CSTPP1: variants seen among roughly 807,000 people sequenced by gnomAD.
The protein encoded by CSTPP1 is UPF0705 protein C11orf49.
At chr11:47,152,927 G>A in the CSTPP1 span, among the ~76,000 whole-genome samples, 2 of 152,158 alleles carry the variant, frequency 1.3e-5, no homozygotes, top group Non-Finnish European at 2.9e-5. Context: ...GAACAGGGCA[G>A]TAAAGGAAAG....
the CSTPP1 span, among the ~76,000 whole-genome samples, chr11:46,942,191 T>C: frequency 6.6e-6 from 1 of 152,312 alleles, no homozygotes; most frequent in South Asian, 2.1e-4. Context: ...ATTGTGTTAA[T>C]GCCTAGGCCT....
the CSTPP1 span, among the ~76,000 whole-genome samples, chr11:47,107,299 C>G: frequency 6.1e-4 from 93 of 152,170 alleles, no homozygotes; most frequent in Non-Finnish European, 6.0e-4. Context: ...CTCCTGGGCT[C>G]CGCTCACTGA....
chr11:47,038,533 G>A, the CSTPP1 span, among the ~76,000 whole-genome samples: 2 of 100,424 alleles, frequency 2.0e-5, no homozygotes, highest in South Asian at 6.9e-4. Context: ...GGGCGGCCGG[G>A]CAGAGGCGCC....
the CSTPP1 span, among the ~76,000 whole-genome samples, chr11:46,975,231 C>T: frequency 6.6e-6 from 1 of 152,072 alleles, no homozygotes; most frequent in Admixed American, 6.6e-5. Flanking sequence ...GAGCCATGAT[C>T]ACACCACTGC....
the CSTPP1 span, among the ~76,000 whole-genome samples, chr11:47,093,506 T>A: frequency 4.6e-5 from 7 of 152,240 alleles, no homozygotes; most frequent in Non-Finnish European, 8.8e-5. Flanking sequence ...TTCGGCCACA[T>A]GGAGCTTACA....
chr11:46,949,781 CA>C, the CSTPP1 span, among the ~76,000 whole-genome samples: 3 of 151,726 alleles, frequency 2.0e-5, no homozygotes, highest in African/African-American at 7.3e-5. Flanking sequence ...AATCAATTCT[CA>C]TGCCTCAGCC....
At chr11:46,946,052 TA>T in the CSTPP1 span, among the ~76,000 whole-genome samples, 4 of 152,200 alleles carry the variant, frequency 2.6e-5, no homozygotes, top group African/African-American at 9.6e-5. Flanking sequence ...ACCTATTTAA[TA>T]CATGTAATAA....
chr11:47,076,997 C>T, the CSTPP1 span, among the ~76,000 whole-genome samples: 1 of 149,508 alleles, frequency 6.7e-6, no homozygotes, highest in Non-Finnish European at 1.5e-5. Flanking sequence ...AAGGCCCAGT[C>T]CAGGAGTATA....
At chr11:47,133,329 T>C in the CSTPP1 span, among the ~76,000 whole-genome samples, 2 of 152,208 alleles carry the variant, frequency 1.3e-5, no homozygotes, top group Non-Finnish European at 2.9e-5. Context: ...AGTGTTCTGA[T>C]TTTGATCTTA....
the CSTPP1 span, among the ~76,000 whole-genome samples, chr11:46,998,774 C>G: frequency 1.3e-5 from 2 of 151,838 alleles, no homozygotes; most frequent in Non-Finnish European, 2.9e-5. Context: ...CTTGCTCTGT[C>G]GCCCAGGCTG....
the CSTPP1 span, among the ~76,000 whole-genome samples, chr11:47,151,801 T>C: frequency 6.6e-6 from 1 of 151,988 alleles, no homozygotes; most frequent in South Asian, 2.1e-4. Flanking sequence ...AAGAAAGCCC[T>C]CGCCTCTGTC....
the CSTPP1 span, among the ~76,000 whole-genome samples, chr11:47,035,723 A>C: frequency 6.6e-6 from 1 of 152,170 alleles, no homozygotes; most frequent in Non-Finnish European, 1.5e-5. Context: ...AGTAAATGAT[A>C]AAATGGACTA....
the CSTPP1 span, among the ~76,000 whole-genome samples, chr11:47,017,458 C>A: frequency 1.3e-5 from 2 of 152,054 alleles, no homozygotes; most frequent in African/African-American, 4.8e-5. Flanking sequence ...CAGGCGTGAG[C>A]CACAGTGCCC....
the CSTPP1 span, among the ~76,000 whole-genome samples, chr11:46,957,442 A>G: frequency 2.0e-5 from 3 of 152,104 alleles, no homozygotes; most frequent in Admixed American, 6.5e-5. Context: ...ACTTTATACT[A>G]CCCTTACCCT....
chr11:47,132,246 C>T, the CSTPP1 span, among the ~76,000 whole-genome samples: 1 of 152,178 alleles, frequency 6.6e-6, no homozygotes, highest in East Asian at 1.9e-4. Flanking sequence ...CACACAGTAA[C>T]CAGAACTTTT....
chr11:46,958,549 T>C, the CSTPP1 span, among the ~76,000 whole-genome samples: 2 of 152,136 alleles, frequency 1.3e-5, no homozygotes, highest in East Asian at 1.9e-4. Flanking sequence ...GGTTCAAGCA[T>C]TCCTCCCTCC....
the CSTPP1 span, among the ~76,000 whole-genome samples, chr11:47,128,022 A>G: frequency 1.3e-5 from 2 of 152,128 alleles, no homozygotes; most frequent in South Asian, 2.1e-4. Flanking sequence ...GATTACAGGC[A>G]TGCGCCACCA....
chr11:46,991,060 T>C, the CSTPP1 span, among the ~76,000 whole-genome samples: 92 of 152,330 alleles, frequency 6.0e-4, no homozygotes, highest in African/African-American at 1.8e-3. Flanking sequence ...ACATATGCCA[T>C]CACATATTTA....
chr11:47,118,283 A>G, the CSTPP1 span, among the ~76,000 whole-genome samples: 1 of 152,134 alleles, frequency 6.6e-6, no homozygotes, highest in Non-Finnish European at 1.5e-5. Flanking sequence ...TTCTTGTGCC[A>G]TGGTTTTCAG....
Sources: allele counts gnomAD v4.1 joint callset (sites outside exome capture counted in the v4.1 genomes callset), GRCh38; gene constraint gnomAD v4.1.1; transcripts MANE v1.5; gene names NCBI Gene and HGNC (gene_info 2026-07-23, HGNC 2026-07-21).